EFCAB6: variants seen among roughly 807,000 people sequenced by gnomAD.
EFCAB6 encodes the protein EF-hand calcium binding domain 6, also known as EF-hand calcium-binding domain-containing protein 6.
Under a neutral mutation model 169.8 loss-of-function variants are expected in EFCAB6, and 156 were observed. The observed-to-expected ratio is 0.92, with a 90% CI of 0.81 to 1.05. The LOEUF (loss-of-function observed/expected upper bound fraction) is 1.05, where lower values mean the gene tolerates loss of function less well. Among genes scored for constraint, EFCAB6 ranks in the 50% least tolerant of loss-of-function variants. The pLI is 0.00. For missense variants in EFCAB6, 1,800 were observed against 1,829.1 expected, an observed-to-expected ratio of 0.98 and a Z score of 0.29; for synonymous variants, 698 against 676.4, an observed-to-expected ratio of 1.03 and a Z score of -0.50.
At position 43,677,039 on chromosome 22, in the gene EFCAB6, A is replaced by G. The variant is rs1326488067; in HGVS notation, c.1419+957T>C. On this transcript the variant is annotated intron_variant, in intron 13 of 31. Coordinates refer to ENST00000262726, the MANE Select transcript of EFCAB6 (RefSeq NM_022785.4). Reference sequence around the variant, plus strand: ...GCCAACGTCATAAATCTAAAATTAAAAGCTAATTTGTACCTGTTAAAAGCA... The same window carrying G: ...GCCAACGTCATAAATCTAAAATTAAGAGCTAATTTGTACCTGTTAAAAGCA... Among the ~76,000 whole-genome samples, 8 of 152,204 alleles carry G rather than the reference A, an allele frequency of 5.3e-5. No individual in the cohort carries two copies. In the East Asian group the frequency reaches 1.5e-3, roughly 29 times the overall value.
intron 26 of EFCAB6, among the ~76,000 whole-genome samples, chr22:43,566,760 G>C (rs898055722): frequency 1.3e-5 from 2 of 152,218 alleles, no homozygotes; most frequent in Non-Finnish European, 2.9e-5. Context: ...TCCCATGCAG[G>C]AGTGACAGAG....
At chr22:43,543,954 CCTCCTTGAGACCAG>C (rs1387926224) in intron 27 of EFCAB6, among the ~76,000 whole-genome samples, 1 of 152,116 alleles carries the variant, frequency 6.6e-6, no homozygotes, top group East Asian at 1.9e-4. Flanking sequence ...CTTCACCCCT[CCTCCTTGAGACCAG>C]CTCTACGTCC....
intron 22 of EFCAB6, among the ~76,000 whole-genome samples, chr22:43,603,634 G>A (rs1477961473): frequency 6.6e-6 from 1 of 152,250 alleles, no homozygotes; most frequent in Admixed American, 6.5e-5. Flanking sequence ...CATTTCAGAA[G>A]TATCTTCAAA....
At chr22:43,717,705 A>AT (rs1281213879) in intron 8 of EFCAB6, among the ~76,000 whole-genome samples, 1 of 152,168 alleles carries the variant, frequency 6.6e-6, no homozygotes, top group Non-Finnish European at 1.5e-5. Flanking sequence ...TGGCTTGTGT[A>AT]TAAAAACTTG....
intron 17 of EFCAB6, among the ~76,000 whole-genome samples, chr22:43,635,440 G>A (rs1387172775): frequency 6.6e-6 from 1 of 152,172 alleles, no homozygotes; most frequent in Non-Finnish European, 1.5e-5. Context: ...GGGACAAGTG[G>A]CACAGTTGGC....
At chr22:43,667,572 G>A (rs898170968) in intron 16 of EFCAB6, among the ~76,000 whole-genome samples, 3 of 152,182 alleles carry the variant, frequency 2.0e-5, no homozygotes, top group Admixed American at 6.5e-5. Flanking sequence ...TTTCAGTTAT[G>A]CTTTGAGCTG....
chr22:43,541,340 G>A lies in EFCAB6; in HGVS notation c.3649-983C>T, dbSNP rs144072560. ...GGAAGTCGGGGTTGGGGGGTGCAAA[G>A]GCAAAAAGGTTTAGTTTGGGACAAG... On this transcript the variant is annotated intron_variant, in intron 27 of 31. Transcript: ENST00000262726. Among the ~76,000 whole-genome samples, 773 of 152,216 alleles carry A rather than the reference G, an allele frequency of 5.1e-3. 4 individuals are homozygous for A. Among genetic ancestry groups the A allele is most frequent in the Middle Eastern group, 0.037 (11 of 294 alleles).
chr22:43,781,852 C>A (rs555747015), intron 3 of EFCAB6, among the ~76,000 whole-genome samples: 5 of 152,076 alleles, frequency 3.3e-5, no homozygotes, highest in Non-Finnish European at 5.9e-5. Context: ...GTCAATTTTT[C>A]TGTACACCTA....
intron 20 of EFCAB6, among the ~76,000 whole-genome samples, chr22:43,617,686 A>G (rs6006728): frequency 0.059 from 8,976 of 152,286 alleles, 334 homozygotes; most frequent in Admixed American, 0.095. Flanking sequence ...TCACAGATAC[A>G]TAGGAATAGT....
Position 43,700,547 on chromosome 22 carries a change from G to A in EFCAB6, c.1031+10928C>T, listed in dbSNP as rs375657767. 1.2e-4 allele frequency among the ~76,000 whole-genome samples: 19 copies of A among 152,294 alleles called. No individual in the cohort carries two copies. In the East Asian group the frequency reaches 2.9e-3, roughly 23 times the overall value. ...ACAGTTGTATGAGTTTAACACATGC[G>A]TAGATTCATGCAGATTCCCACACTC... On this transcript the variant is annotated intron_variant, in intron 10 of 31. Transcript: ENST00000262726.
chr22:43,631,023 G>A (rs1214237098), intron 19 of EFCAB6, among the ~76,000 whole-genome samples: 2 of 151,970 alleles, frequency 1.3e-5, no homozygotes, highest in Non-Finnish European at 2.9e-5. Flanking sequence ...ACGGGAGCCT[G>A]GTAACCAAAA....
At position 43,637,732 on chromosome 22, in the gene EFCAB6, C is replaced by T. The variant is rs1030419898; in HGVS notation, c.1984-2516G>A. ...TTCTGTGCCATCTGCACATGGTCCC[C>T]GGCCCAGCTCTGCAGAGGAGCCTGT... On this transcript the variant is annotated intron_variant, in intron 17 of 31. Coordinates refer to ENST00000262726, the MANE Select transcript of EFCAB6 (RefSeq NM_022785.4). Among the ~76,000 whole-genome samples, 11 of 152,284 alleles carry T rather than the reference C, an allele frequency of 7.2e-5. No homozygotes were observed. In the South Asian group the frequency reaches 8.3e-4, roughly 11 times the overall value.
At chr22:43,675,045 C>T (rs1364259003) in intron 13 of EFCAB6, among the ~76,000 whole-genome samples, 1 of 151,712 alleles carries the variant, frequency 6.6e-6, no homozygotes, top group African/African-American at 2.4e-5. Flanking sequence ...AGGACGGGTA[C>T]GGGGTACAGC....
chr22:43,802,899 G>A, intron 2 of EFCAB6: 2 of 257,814 alleles, frequency 7.8e-6, no homozygotes, highest in Non-Finnish European at 1.5e-5. Context: ...CTTCATTGTT[G>A]TCTTTTGGGG....
chr22:43,552,174 G>A (rs905443095), intron 27 of EFCAB6: 1 of 151,800 alleles, frequency 6.6e-6, no homozygotes, highest in Admixed American at 6.6e-5. Flanking sequence ...CGGTGTAGAT[G>A]TACCACATTT....
intron 6 of EFCAB6, among the ~76,000 whole-genome samples, chr22:43,740,402 C>G (rs1233851341): frequency 1.3e-5 from 2 of 152,166 alleles, no homozygotes; most frequent in Non-Finnish European, 2.9e-5. Flanking sequence ...CCTCACCTGC[C>G]TGGAAAAGAG....
intron 4 of EFCAB6, among the ~76,000 whole-genome samples, chr22:43,767,667 C>G (rs754113726): frequency 3.3e-5 from 5 of 152,220 alleles, no homozygotes; most frequent in African/African-American, 4.8e-5. Flanking sequence ...TGCCAGCGAT[C>G]TCTGTGAATC....
chr22:43,563,604 C>T (rs141618057), intron 26 of EFCAB6, among the ~76,000 whole-genome samples: 78 of 152,330 alleles, frequency 5.1e-4, no homozygotes, highest in Non-Finnish European at 8.7e-4. Context: ...GCCACCTCAA[C>T]GGCAGGCCTG....
chr22:43,710,561 T>C (rs1383582604), intron 10 of EFCAB6, among the ~76,000 whole-genome samples: 1 of 152,220 alleles, frequency 6.6e-6, no homozygotes, highest in Non-Finnish European at 1.5e-5. Flanking sequence ...GCCTTTCTTA[T>C]ATTAACTGTG....
Sources: allele counts gnomAD v4.1 joint callset (sites outside exome capture counted in the v4.1 genomes callset), GRCh38; gene constraint gnomAD v4.1.1; transcripts MANE v1.5; gene names NCBI Gene and HGNC (gene_info 2026-07-23, HGNC 2026-07-21).